Variants in PCDHGA1 observed in about 807,000 individuals in gnomAD.
PCDHGA1 encodes the protein protocadherin gamma-A1.
Under a neutral mutation model 58.0 loss-of-function variants are expected in PCDHGA1, and 32 were observed. That is an observed-to-expected ratio of 0.55 (90% CI 0.42 to 0.74). The LOEUF (loss-of-function observed/expected upper bound fraction) is 0.74. Ranked by LOEUF, PCDHGA1 falls within the 30% of genes least tolerant of loss-of-function variation. The probability of loss-of-function intolerance (pLI) is 0.00; values close to 1 mark genes in which losing one functional copy is unlikely to be tolerated. For synonymous variants in PCDHGA1, 498 were observed against 501.1 expected (o/e 0.99, Z 0.08); for missense variants, 1,205 against 1,182.3 (o/e 1.02, Z -0.28).
At chr5:141,346,470 A>C (rs374721996) in intron 1 of PCDHGA1, 6 of 1,613,754 alleles carry the variant, frequency 3.7e-6, no homozygotes, top group South Asian at 2.2e-5. Flanking sequence ...GAGTTTATTT[A>C]TTTCTTTGAT....
At position 141,398,135 on chromosome 5, in the gene PCDHGA1, G is replaced by A. The variant is rs771670845; in HGVS notation, c.2421+65030G>A. ...CTGAGGAGAGCAAGAGGGATGGGGAGCGGCGCCGGGGAGCTGGGCCGGGCT... is the reference window on the plus strand; with the variant it reads ...CTGAGGAGAGCAAGAGGGATGGGGAACGGCGCCGGGGAGCTGGGCCGGGCT... On this transcript the variant is annotated intron_variant, in intron 1 of 3. Transcript: ENST00000517417. 4 of 1,556,792 alleles carry A rather than the reference G, an allele frequency of 2.6e-6. No individual in the cohort carries two copies. Among genetic ancestry groups the A allele is most frequent in the Non-Finnish European group, 3.5e-6 (4 of 1,157,318 alleles).
intron 1 of PCDHGA1, among the ~76,000 whole-genome samples, chr5:141,438,497 T>C (rs1274742357): frequency 6.7e-6 from 1 of 149,116 alleles, no homozygotes; most frequent in African/African-American, 2.5e-5. Flanking sequence ...GAAAAAAGAA[T>C]CATAGTGCAA....
In PCDHGA1 at chr5:141,360,843, C is replaced by T. The variant is rs910664589; in HGVS notation, c.2421+27738C>T. 8 of 1,613,836 alleles carry T rather than the reference C, an allele frequency of 5.0e-6. No individual in the cohort carries two copies. The Admixed American group carries it at 5.0e-5, about 10-fold the overall frequency. Reference sequence around the variant, plus strand: ...TCCGAATCAAAGTCACGGATGCCAACGATAACCCTCCAGTGTTCAGCCAGG... The same window carrying T: ...TCCGAATCAAAGTCACGGATGCCAATGATAACCCTCCAGTGTTCAGCCAGG... On this transcript the variant is annotated intron_variant, in intron 1 of 3. Coordinates refer to ENST00000517417, the MANE Select transcript of PCDHGA1 (RefSeq NM_018912.3).
intron 1 of PCDHGA1, among the ~76,000 whole-genome samples, chr5:141,369,354 A>G (rs1766176337): frequency 6.6e-6 from 1 of 152,198 alleles, no homozygotes; most frequent in Non-Finnish European, 1.5e-5. Flanking sequence ...GTGATGTAGT[A>G]TGAAAAAACA....
intron 1 of PCDHGA1, chr5:141,398,587 C>G: frequency 6.2e-7 from 1 of 1,613,860 alleles, no homozygotes; most frequent in Non-Finnish European, 8.5e-7. Context: ...AAGATTTATA[C>G]TAGAAGTAGC....
chr5:141,461,138 C>T (rs1416058747), intron 1 of PCDHGA1, among the ~76,000 whole-genome samples: 1 of 151,942 alleles, frequency 6.6e-6, no homozygotes, highest in East Asian at 1.9e-4. Flanking sequence ...ACTTATTTTC[C>T]TTTGGGTAGA....
chr5:141,462,268 A>C (rs982301403), intron 1 of PCDHGA1, among the ~76,000 whole-genome samples: 3 of 152,196 alleles, frequency 2.0e-5, no homozygotes, highest in African/African-American at 7.2e-5. Flanking sequence ...CCTAAAGTGT[A>C]TTGTTTAGTC....
intron 1 of PCDHGA1, among the ~76,000 whole-genome samples, chr5:141,447,600 T>G (rs769487703): frequency 6.6e-6 from 1 of 151,992 alleles, no homozygotes; most frequent in Non-Finnish European, 1.5e-5. Flanking sequence ...TCCTATAGAG[T>G]CCTTAGCATT....
At chr5:141,408,927 T>C (rs1220361067) in intron 1 of PCDHGA1, 5 of 1,613,512 alleles carry the variant, frequency 3.1e-6, no homozygotes, top group African/African-American at 1.3e-5. Context: ...CCCCCGGTTT[T>C]CAGCAGAGAC....
intron 1 of PCDHGA1, chr5:141,389,720 C>T (rs1488646083): frequency 1.2e-6 from 2 of 1,612,576 alleles, no homozygotes; most frequent in East Asian, 4.5e-5. Flanking sequence ...CTAGCGAGCC[C>T]GGGCTCTTCA....
intron 1 of PCDHGA1, among the ~76,000 whole-genome samples, chr5:141,466,514 T>C (rs1276000407): frequency 6.6e-6 from 1 of 152,226 alleles, no homozygotes; most frequent in Non-Finnish European, 1.5e-5. Context: ...AAGATCATTT[T>C]TTTTCCTCCC....
At chr5:141,450,815 A>T (rs183350620) in intron 1 of PCDHGA1, among the ~76,000 whole-genome samples, 1,650 of 126,706 alleles carry the variant, frequency 0.013, 15 homozygotes, top group African/African-American at 0.032. Context: ...TATTTATTTA[A>T]TATTATTATT....
chr5:141,422,780 T>C, intron 1 of PCDHGA1: 2 of 1,614,140 alleles, frequency 1.2e-6, no homozygotes, highest in Non-Finnish European at 1.7e-6. Context: ...CTCTATGCCC[T>C]ACAATCCTTC....
chr5:141,418,497 CCG>C, intron 1 of PCDHGA1: 1 of 1,613,994 alleles, frequency 6.2e-7, no homozygotes, highest in Non-Finnish European at 8.5e-7. Flanking sequence ...TTGGTACTGA[CCG>C]CCTTAGATGG....
At chr5:141,426,767 A>G (rs1219028777) in intron 1 of PCDHGA1, 1 of 456,548 alleles carries the variant, frequency 2.2e-6, no homozygotes, top group Admixed American at 2.3e-5. Flanking sequence ...ATGCAGATGT[A>G]GGGCCTCACT....
At chr5:141,419,439 C>G (rs375537017) in intron 1 of PCDHGA1, 1 of 1,613,154 alleles carries the variant, frequency 6.2e-7, no homozygotes, top group Non-Finnish European at 8.5e-7. Context: ...CAGCTGCGCA[C>G]CTTCGAGCTC....
chr5:141,335,526 C>T (rs1036577340), intron 1 of PCDHGA1, among the ~76,000 whole-genome samples: 4 of 151,896 alleles, frequency 2.6e-5, no homozygotes, highest in Admixed American at 1.3e-4. Context: ...TAGAAAATAC[C>T]GGAATATTTA....
At chr5:141,339,443 C>T (rs1588446277) in intron 1 of PCDHGA1, 2 of 1,614,226 alleles carry the variant, frequency 1.2e-6, no homozygotes, top group South Asian at 2.2e-5. Context: ...TAAGAATGCG[C>T]ATGATGCAGA....
At chr5:141,362,257 A>C (rs1199610495) in intron 1 of PCDHGA1, 5 of 1,613,784 alleles carry the variant, frequency 3.1e-6, no homozygotes. Context: ...CCTCGCGGTG[A>C]TTCTGGCAAT....
Sources: allele counts gnomAD v4.1 joint callset (sites outside exome capture counted in the v4.1 genomes callset), GRCh38; gene constraint gnomAD v4.1.1; transcripts MANE v1.5; gene names NCBI Gene and HGNC (gene_info 2026-07-23, HGNC 2026-07-21).